Variants in PKHD1 observed in about 807,000 individuals in gnomAD.
PKHD1 encodes PKHD1 ciliary IPT domain containing fibrocystin/polyductin, also known as fibrocystin.
A neutral mutation model predicts 412.0 loss-of-function variants in PKHD1; 291 were observed. The observed-to-expected ratio is 0.71, with a 90% confidence interval of 0.64 to 0.78. The LOEUF is 0.78. Ranked by LOEUF, PKHD1 falls within the 30% of genes least tolerant of loss-of-function variation. The pLI is 0.00. For synonymous variants in PKHD1, 1,777 were observed against 1,821.5 expected (o/e 0.98, Z 0.62); for missense variants, 4,825 against 4,950.7 (o/e 0.97, Z 0.76).
At chr6:51,928,671 A>G (rs964695038) in intron 37 of PKHD1, among the ~76,000 whole-genome samples, 3 of 152,150 alleles carry the variant, frequency 2.0e-5, no homozygotes, top group African/African-American at 7.2e-5. Flanking sequence ...AAAAGAATAC[A>G]GTGTTCCTTT....
chr6:51,855,948 T>C lies in PKHD1; in HGVS notation c.7856A>G (p.Asp2619Gly). 6.2e-7 allele frequency: 1 copy of C among 1,613,842 alleles called. No homozygotes were observed. Reference sequence around the variant, plus strand: ...AGATTGCAATGAGTAGGTCTCTTGGTCCAAGAGCAGAGCCATCCAGCCACG... The same window carrying C: ...AGATTGCAATGAGTAGGTCTCTTGGCCCAAGAGCAGAGCCATCCAGCCACG... ...NPRGWMALLL[D>G]QETYSLQSEN... Residue 2619 changes from aspartate to glycine, a missense_variant, in exon 49 of 67, where the codon GAC (aspartate) becomes GGC (glycine). Transcript: ENST00000371117.
Position 52,024,955 on chromosome 6 carries a change from C to T in PKHD1, c.4855G>A (p.Gly1619Ser), listed in dbSNP as rs762702777. Residue 1619 changes from glycine (G) to serine (S), a missense_variant, in exon 32 of 67, where the codon GGT (glycine) becomes AGT (serine). Gly to Ser is a moderately conservative substitution (Grantham distance 56). Transcript: ENST00000371117. ...ACAATGCACCGGATGAGCTCAGCAC[C>T]GATGTTCACCGTCAGGCAGGTCTGC... ...DQQTCLTVNI[G>S]AELIRCIVPT... The T allele has an allele frequency of 2.5e-6, 4 of 1,614,064 alleles. No homozygotes were observed. Among genetic ancestry groups the T allele is most frequent in the Admixed American group, 1.7e-5 (1 of 60,004 alleles).
At chr6:52,000,233 A>G (rs17747664) in intron 35 of PKHD1, among the ~76,000 whole-genome samples, 7,911 of 152,276 alleles carry the variant, frequency 0.052, 280 homozygotes, top group East Asian at 0.11. Context: ...CAGTCACCCA[A>G]TGAGTCAGCA....
At chr6:51,800,182 T>C (rs1378365074) in intron 52 of PKHD1, among the ~76,000 whole-genome samples, 1 of 152,192 alleles carries the variant, frequency 6.6e-6, no homozygotes, top group Non-Finnish European at 1.5e-5. Context: ...ATTACACCCT[T>C]TAACCACTTG....
rs2766125 is a variant in PKHD1 at position 51,754,962 on chromosome 6, T to C, written c.8643-24A>G. The C allele has an allele frequency of 0.016, 25,438 of 1,600,350 alleles. 1,565 individuals are homozygous for C. In the African/African-American group the frequency reaches 0.17, roughly 11 times the overall value. ...TTCTGTAACAGCATAACAATGGCAT[T>C]GGATATACTAACAGTGCAGCACAAA... On this transcript the variant is annotated intron_variant, in intron 55 of 66. Transcript: ENST00000371117.
intron 35 of PKHD1, among the ~76,000 whole-genome samples, chr6:51,968,392 T>C (rs934509950): frequency 2.0e-5 from 3 of 152,160 alleles, no homozygotes; most frequent in Non-Finnish European, 4.4e-5. Flanking sequence ...TCCCTCCCTT[T>C]TCTTCTTTTC....
chr6:51,714,400 C>A (rs1035206297), intron 60 of PKHD1, among the ~76,000 whole-genome samples: 1 of 151,904 alleles, frequency 6.6e-6, no homozygotes, highest in African/African-American at 2.4e-5. Flanking sequence ...AGATGATTCT[C>A]ATAACAGTCC....
chr6:51,768,719 A>G (rs1481974995), intron 55 of PKHD1, among the ~76,000 whole-genome samples: 2 of 151,806 alleles, frequency 1.3e-5, no homozygotes, highest in Non-Finnish European at 2.9e-5. Context: ...ATAATATTTA[A>G]TGATTGTTGT....
At chr6:51,662,609 A>C (rs1773045727) in intron 60 of PKHD1, among the ~76,000 whole-genome samples, 1 of 151,940 alleles carries the variant, frequency 6.6e-6, no homozygotes, top group Admixed American at 6.6e-5. Flanking sequence ...GAAGTAGAAA[A>C]GAAACAACAA....
chr6:51,632,874 T>C, intron 64 of PKHD1, 151 bp from the exon 65 acceptor site: 1 of 520,934 alleles, frequency 1.9e-6, no homozygotes, highest in Non-Finnish European at 3.3e-6. Context: ...ACATAAATTA[T>C]AAATCCAAGA....
intron 66 of PKHD1, among the ~76,000 whole-genome samples, chr6:51,625,187 G>A (rs939629183): frequency 1.3e-5 from 2 of 152,118 alleles, no homozygotes; most frequent in African/African-American, 4.8e-5. Context: ...ATAATCCTAA[G>A]TGCTATGGCA....
intron 35 of PKHD1, among the ~76,000 whole-genome samples, chr6:51,973,910 T>C (rs1202253705): frequency 1.3e-5 from 2 of 152,210 alleles, no homozygotes; most frequent in Non-Finnish European, 2.9e-5. Flanking sequence ...GGTTCCAATA[T>C]CTCATTTTAT....
intron 61 of PKHD1, among the ~76,000 whole-genome samples, chr6:51,655,559 G>A (rs1476135572): frequency 1.3e-5 from 2 of 152,098 alleles, no homozygotes; most frequent in African/African-American, 2.4e-5. Context: ...TCATGGCAAT[G>A]TCACAAACAA....
Position 51,658,848 on chromosome 6 carries a change from A to T in PKHD1, c.11174+104T>A, listed in dbSNP as rs1453563139. 3 of 775,334 alleles carry T rather than the reference A, an allele frequency of 3.9e-6. No individual in the cohort carries two copies. In the African/African-American group the frequency reaches 5.1e-5, roughly 13 times the overall value. 48.0% of individuals were successfully genotyped at this position (775,334 alleles called of 1,614,324 possible). ...TTTTTATTCTTATCTTAAAAAGCAG[A>T]TGAGTTATATGATTCAGTGTAAGTA... On this transcript the variant is annotated intron_variant, in intron 61 of 66. Coordinates refer to ENST00000371117, the MANE Select transcript of PKHD1 (RefSeq NM_138694.4).
chr6:52,016,635 C>CAAAAAAAAAAAAAAAAA, intron 34 of PKHD1, among the ~76,000 whole-genome samples: 1 of 118,918 alleles, frequency 8.4e-6, no homozygotes, highest in Non-Finnish European at 1.7e-5. Flanking sequence ...GACTCTGTCT[C>CAAAAAAAAAAAAAAAAA]AAAAAAAAAA....
chr6:51,692,618 C>T (rs1335793439), intron 60 of PKHD1, among the ~76,000 whole-genome samples: 1 of 152,140 alleles, frequency 6.6e-6, no homozygotes, highest in Non-Finnish European at 1.5e-5. Flanking sequence ...AAGTTAGTCT[C>T]GTCCATTTTT....
At chr6:51,792,985 T>C (rs934961507) in intron 52 of PKHD1, among the ~76,000 whole-genome samples, 3 of 152,230 alleles carry the variant, frequency 2.0e-5, no homozygotes, top group Non-Finnish European at 2.9e-5. Flanking sequence ...TCTCCCACTC[T>C]GACTTCCTTA....
At position 51,830,873 on chromosome 6, in the gene PKHD1, G is replaced by A; in HGVS notation, c.8290C>T (p.Leu2764Phe). The part of the protein sequence containing the change: ...NTIPGPGDDV[L>F]ILPNRTVLVD... ...TAGTTTTACTCACTGGGTAAAATGA[G>A]AACGTCATCCCCAGGGCCTGGAATG... The change falls in exon 52 of 67, where the codon CTC becomes TTC. Residue 2764 changes from leucine (L) to phenylalanine (F), a missense_variant. Coordinates refer to ENST00000371117, the MANE Select transcript of PKHD1 (RefSeq NM_138694.4). The A allele has an allele frequency of 6.2e-7, 1 of 1,612,728 alleles. No individual in the cohort carries two copies. The highest frequency in any genetic ancestry group is 8.5e-7 in the Non-Finnish European group (1 of 1,179,012).
intron 55 of PKHD1, among the ~76,000 whole-genome samples, chr6:51,760,774 T>C (rs1787866481): frequency 6.6e-6 from 1 of 152,078 alleles, no homozygotes; most frequent in Admixed American, 6.6e-5. Flanking sequence ...AATTATGACA[T>C]TCAATTTAAA....
Sources: gnomAD v4.1 joint callset for allele counts (sites outside exome capture counted in the v4.1 genomes callset) on GRCh38, gnomAD v4.1.1 for gene constraint, MANE v1.5 for transcripts, NCBI Gene and HGNC (gene_info 2026-07-23, HGNC 2026-07-21) for gene names.